Variants in ITSN2 observed in about 807,000 individuals in gnomAD.
The protein encoded by ITSN2 is intersectin-2.
Under a neutral mutation model 243.7 loss-of-function variants are expected in ITSN2, and 156 were observed. That is an observed-to-expected ratio of 0.64 (90% CI 0.56 to 0.73). The LOEUF is 0.73. Ranked by LOEUF, ITSN2 falls within the 30% of genes least tolerant of loss-of-function variation. The pLI is 0.00. For synonymous variants in ITSN2, 703 were observed against 699.9 expected (o/e 1.00, Z -0.07); for missense variants, 1,801 against 1,996.1 (o/e 0.90, Z 1.86).
chr2:24,245,959 A>G (rs1349011806), intron 29 of ITSN2, among the ~76,000 whole-genome samples, 170 bp downstream of exon 29: 1 of 152,248 alleles, frequency 6.6e-6, no homozygotes, highest in Non-Finnish European at 1.5e-5. Flanking sequence ...ATAAAGCTGT[A>G]TAACTTCTGA....
Position 24,204,681 on chromosome 2 carries a change from C to G in ITSN2, c.4763-263G>C, listed in dbSNP as rs758376809. On this transcript the variant is annotated intron_variant, in intron 38 of 39. Coordinates refer to ENST00000355123, the MANE Select transcript of ITSN2 (RefSeq NM_006277.3). This position sits in a 1 kb window ranked among gnomAD's most constrained non-coding sequence, Gnocchi z 5.1. ...GCACGGAACAATCCTGGGTGAGTGT[C>G]ACTGCAACCTGCTGCATGCTTCCTC... is the stretch of plus-strand genomic sequence containing the variant. The G allele has an allele frequency of 3.3e-6, 2 of 600,700 alleles. No individual in the cohort carries two copies. Among genetic ancestry groups the G allele is most frequent in the South Asian group, 3.0e-5 (2 of 65,858 alleles). The allele number at this position is 600,700 out of a possible 1,614,324, so 37.2% of individuals were successfully genotyped here.
chr2:24,293,201 T>C (rs1171672202), intron 15 of ITSN2: 1 of 152,216 alleles, frequency 6.6e-6, no homozygotes, highest in Non-Finnish European at 1.5e-5. Flanking sequence ...GGTAAAATTC[T>C]TTGTATGAAG....
rs3208747 is a variant in ITSN2, at chr2:24,208,258, T to G, written c.4657A>C (p.Lys1553Gln). Reference sequence around the variant, plus strand: ...ATACCTTGGTAAGCTTTCTCACGCTTCTTCTTCTCGGTGTCGATGTACTGC... The same window carrying G: ...ATACCTTGGTAAGCTTTCTCACGCTGCTTCTTCTCGGTGTCGATGTACTGC... ...SEQYIDTEKK[K>Q]REKAYQARSQ... Residue 1553 changes from lysine (K) to glutamine (Q), a missense_variant, in exon 37 of 40, where the codon AAG (lysine) becomes CAG (glutamine). Lys to Gln is a moderately conservative substitution (Grantham distance 53, BLOSUM62 1). Transcript: ENST00000355123. 1.9e-3 allele frequency: 3,002 copies of G among 1,611,670 alleles called. 16 individuals carry two copies. The highest frequency in any genetic ancestry group is 2.3e-3 in the Middle Eastern group (14 of 6,012).
chr2:24,289,431 C>A (rs1679953504), intron 15 of ITSN2, among the ~76,000 whole-genome samples: 1 of 152,248 alleles, frequency 6.6e-6, no homozygotes, highest in Middle Eastern at 3.4e-3. Context: ...AAAAATGCAA[C>A]TGATTTTTGT....
Position 24,334,932 on chromosome 2 carries a change from G to A in ITSN2, c.-33-6817C>T, listed in dbSNP as rs948538407. On this transcript the variant is annotated intron_variant, in intron 1 of 39. Transcript: ENST00000355123. Reference sequence around the variant, plus strand: ...CAAAAAATTAGCCGGGCGTGGTAGCGGGCGCCTGTAGTCCCAGCTACTCGG... The same window carrying A: ...CAAAAAATTAGCCGGGCGTGGTAGCAGGCGCCTGTAGTCCCAGCTACTCGG... 6.0e-5 allele frequency among the ~76,000 whole-genome samples: 9 copies of A among 151,182 alleles called. No individual in the cohort carries two copies. In the East Asian group the frequency reaches 1.4e-3, roughly 23 times the overall value.
chr2:24,301,820 G>A lies in ITSN2; in HGVS notation c.995+145C>T. On this transcript the variant is annotated intron_variant, in intron 10 of 39. Coordinates refer to ENST00000355123, the MANE Select transcript of ITSN2 (RefSeq NM_006277.3). The stretch of plus-strand genomic sequence containing the variant: ...TTACAGGCGTAAGCTGCCACGCCTG[G>A]CCCACACCTACTTCTAATATGTACC... The A allele has an allele frequency of 5.4e-6, 4 of 741,996 alleles. No individual in the cohort carries two copies. In the South Asian group the frequency reaches 1.1e-4, roughly 20 times the overall value. The allele number at this position is 741,996 out of a possible 1,614,324, so 46.0% of individuals were successfully genotyped here. A position where few individuals can be genotyped will look rare whatever the true frequency, so the allele number is the denominator to read the frequency against.
intron 9 of ITSN2, among the ~76,000 whole-genome samples, chr2:24,303,485 T>C (rs1682056634): frequency 6.6e-6 from 1 of 152,264 alleles, no homozygotes; most frequent in Non-Finnish European, 1.5e-5. Context: ...TTAAGCTAAG[T>C]GTTATTACAA....
At chr2:24,336,185 T>C (rs1686352976) in intron 1 of ITSN2, among the ~76,000 whole-genome samples, 1 of 142,106 alleles carries the variant, frequency 7.0e-6, no homozygotes, top group Admixed American at 7.7e-5. Flanking sequence ...GAGCTTGCAG[T>C]GAGCCGAGAT....
At chr2:24,212,591 G>T in intron 33 of ITSN2, 59 bp downstream of exon 33, 2 of 1,358,444 alleles carry the variant, frequency 1.5e-6, no homozygotes, top group Non-Finnish European at 2.0e-6. Context: ...TCTGGCCTCT[G>T]TGGACCTCAG....
chr2:24,240,527 T>C (rs2151253214), intron 29 of ITSN2: 1 of 152,308 alleles, frequency 6.6e-6, no homozygotes, highest in East Asian at 1.9e-4. Context: ...ACACAGACAT[T>C]ATAACTTTAT....
chr2:24,219,286 A>G (rs1350584649), intron 30 of ITSN2, among the ~76,000 whole-genome samples: 1 of 152,224 alleles, frequency 6.6e-6, no homozygotes, highest in African/African-American at 2.4e-5. Context: ...CCCTTTGCAC[A>G]TCGTGGTTTG....
At chr2:24,301,666 C>G (rs1017117938) in intron 10 of ITSN2, among the ~76,000 whole-genome samples, 2 of 151,936 alleles carry the variant, frequency 1.3e-5, no homozygotes, top group Non-Finnish European at 2.9e-5. Context: ...CCTAGGACTA[C>G]AGGCGCACAC....
At chr2:24,336,434 T>C (rs2151884189) in intron 1 of ITSN2, among the ~76,000 whole-genome samples, 1 of 152,300 alleles carries the variant, frequency 6.6e-6, no homozygotes. Flanking sequence ...TGATTACAAG[T>C]TAAAGTCCAA....
intron 4 of ITSN2, among the ~76,000 whole-genome samples, 165 bp from the exon 5 acceptor site, chr2:24,312,540 A>C (rs558555638): frequency 6.6e-6 from 1 of 152,216 alleles, no homozygotes; most frequent in African/African-American, 2.4e-5. Context: ...CAAAAAGATA[A>C]AACCTACACT....
chr2:24,327,991 C>T, intron 2 of ITSN2, 61 bp downstream of exon 2: 1 of 1,387,486 alleles, frequency 7.2e-7, no homozygotes, highest in African/African-American at 2.3e-5. Context: ...ATATTTTAAA[C>T]CTCTACCAAA....
intron 1 of ITSN2, among the ~76,000 whole-genome samples, chr2:24,337,319 T>TATATATATATAA (rs1336561913): frequency 3.0e-5 from 2 of 66,952 alleles, no homozygotes; most frequent in East Asian, 4.8e-4. Context: ...ACACAAAATA[T>TATATATATATAA]ATATATATAT....
At position 24,211,076 on chromosome 2, in the gene ITSN2, C is replaced by T. The variant is rs1669450906; in HGVS notation, c.4090-129G>A. Reference sequence around the variant, plus strand: ...CATGCCCTGGAAACGCGGCGGTGAACAAGACGACACTTTCCGCCCTTGAGA... The same window carrying T: ...CATGCCCTGGAAACGCGGCGGTGAATAAGACGACACTTTCCGCCCTTGAGA... On this transcript the variant is annotated intron_variant, in intron 33 of 39. Transcript: ENST00000355123. This position sits in a 1 kb window ranked among gnomAD's most constrained non-coding sequence, Gnocchi z 4.1. 6.3e-6 allele frequency: 5 copies of T among 791,100 alleles called. No individual in the cohort carries two copies. The highest frequency in any genetic ancestry group is 1.0e-5 in the Non-Finnish European group (5 of 495,736). The allele number at this position is 791,100 out of a possible 1,614,324, so 49.0% of individuals were successfully genotyped here.
chr2:24,301,101 G>A, intron 11 of ITSN2, 53 bp downstream of exon 11: 1 of 922,018 alleles, frequency 1.1e-6, no homozygotes, highest in Non-Finnish European at 1.7e-6. Flanking sequence ...ACATTTAAAG[G>A]TAGAATTTAA....
At chr2:24,312,446 T>C (rs1302241335) in intron 4 of ITSN2, 71 bp from the exon 5 acceptor site, 14 of 1,180,224 alleles carry the variant, frequency 1.2e-5, no homozygotes, top group East Asian at 5.0e-5. Flanking sequence ...ATTTTGGGGA[T>C]TGACAAAGTA....
Sources: gnomAD v4.1 joint callset for allele counts (sites outside exome capture counted in the v4.1 genomes callset) on GRCh38, gnomAD v4.1.1 for gene constraint, Gnocchi (gnomAD v3.1) non-coding constraint, MANE v1.5 for transcripts, NCBI Gene and HGNC (gene_info 2026-07-23, HGNC 2026-07-21) for gene names.